The following ABCA8 variants were observed in gnomAD, a reference collection of about 807,000 sequenced individuals.
ABCA8 encodes the protein ATP binding cassette subfamily A member 8.
In ABCA8, 177 loss-of-function variants were observed where a neutral mutation model predicts 192.3. The ratio of observed to expected loss-of-function variants is 0.92; its 90% CI spans 0.81 to 1.04. The LOEUF is 1.04. ABCA8 is among the 50% of genes least tolerant of loss of function. ABCA8 has a pLI of 0.00. For missense variants in ABCA8, 1,915 were observed against 1,904.8 expected (o/e 1.01, Z -0.10); for synonymous variants, 642 against 690.2 (o/e 0.93, Z 1.09).
intron 7 of ABCA8, 162 bp downstream of exon 7, chr17:68,932,126 C>G: frequency 1.9e-6 from 1 of 526,592 alleles, no homozygotes. Flanking sequence ...AGGAGAATGG[C>G]GTGAACCTGT....
chr17:68,913,978 C>A (rs921382869), intron 17 of ABCA8, among the ~76,000 whole-genome samples: 1 of 151,894 alleles, frequency 6.6e-6, no homozygotes, highest in Non-Finnish European at 1.5e-5. Flanking sequence ...TGGATTTATC[C>A]CAGAGATTCA....
intron 32 of ABCA8, chr17:68,878,602 A>G (rs541759701): frequency 6.6e-6 from 1 of 152,342 alleles, no homozygotes; most frequent in Middle Eastern, 3.4e-3. Flanking sequence ...CTGGCTTTCT[A>G]CTTCAGGTCA....
At chr17:68,870,204 T>C (rs1040840585) in intron 37 of ABCA8, among the ~76,000 whole-genome samples, 4 of 152,208 alleles carry the variant, frequency 2.6e-5, no homozygotes, top group African/African-American at 9.6e-5. Context: ...ACTGTAGACA[T>C]GCCTAGGTAG....
chr17:68,909,962 A>G (rs1234458467), intron 17 of ABCA8, among the ~76,000 whole-genome samples: 1 of 152,198 alleles, frequency 6.6e-6, no homozygotes, highest in Non-Finnish European at 1.5e-5. Context: ...TTCAGGTTCA[A>G]TTTCTGATTC....
Position 68,929,585 on chromosome 17 carries a change from G to A in ABCA8, c.915C>T (p.Leu305=). Reference sequence around the variant, plus strand: ...CCAAAGATAATCCATACAGGAGAAAGAGGCTGAAGACTACCATGAAGCCAG... The same window carrying A: ...CCAAAGATAATCCATACAGGAGAAAAAGGCTGAAGACTACCATGAAGCCAG... ...ILSGFMVVFS[L]FLLYGLSLVA... is the part of the protein sequence containing the mutation. Residue 305 remains leucine (L), a synonymous_variant, in exon 8 of 40, where the codon CTC becomes CTT. Coordinates refer to ENST00000586539, the MANE Select transcript of ABCA8 (RefSeq NM_001288985.2). 3.7e-6 allele frequency: 6 copies of A among 1,613,558 alleles called. No homozygotes were observed. The highest frequency in any genetic ancestry group is 1.7e-4 in the Middle Eastern group (1 of 6,052).
intron 2 of ABCA8, among the ~76,000 whole-genome samples, chr17:68,948,800 T>G (rs527749491): frequency 3.3e-5 from 5 of 152,332 alleles, no homozygotes; most frequent in Non-Finnish European, 7.4e-5. Context: ...GGTATTTTAG[T>G]CATGAAGTCT....
chr17:68,903,422 A>G lies in ABCA8; in HGVS notation c.2476T>C (p.Ser826Pro). 3 of 1,614,200 alleles carry G rather than the reference A, an allele frequency of 1.9e-6. No homozygotes were observed. ...GTCTTTCTCATCTTGTTAAGTGAAG[A>G]GAGGACTTGTTCCATCTCAACAAGC... is the stretch of plus-strand genomic sequence containing the variant. The part of the protein sequence containing the change: ...ERLVEMEQVL[S>P]SLNKMRKTIG... The change falls in exon 20 of 40, where the codon TCT (serine) becomes CCT (proline). Residue 826 changes from serine (S) to proline (P), a missense_variant. By Grantham distance (74) the Ser-to-Pro change is moderately conservative (BLOSUM62 -1). Coordinates refer to ENST00000586539, the MANE Select transcript of ABCA8 (RefSeq NM_001288985.2).
intron 6 of ABCA8, 34 bp from the exon 7 acceptor site, chr17:68,932,548 G>A (rs778383899): frequency 3.1e-5 from 44 of 1,426,370 alleles, no homozygotes; most frequent in East Asian, 6.9e-5. Context: ...AAATTTGTAC[G>A]TTAATGAACA....
chr17:68,929,183 C>A lies in ABCA8; in HGVS notation c.991G>T (p.Gly331Cys). The A allele has an allele frequency of 6.2e-7, 1 of 1,608,980 alleles. No individual in the cohort carries two copies. The highest frequency in any genetic ancestry group is 8.5e-7 in the Non-Finnish European group (1 of 1,177,420). Residue 331 changes from glycine to cysteine, a missense_variant, in exon 9 of 40, where the codon GGC (glycine) becomes TGC (cysteine). Physicochemically the swap from Gly to Cys is radical, Grantham distance 159. Coordinates refer to ENST00000586539, the MANE Select transcript of ABCA8 (RefSeq NM_001288985.2). ...ACAGTGAGGAGGAACACGACCAGGC[C>A]GGTGAGGAAAGATTTCTTTACCAAG... The part of the protein sequence containing the change: ...SILVKKSFLT[G>C]LVVFLLTVFW...
chr17:68,934,424 C>T (rs574534849), intron 5 of ABCA8, among the ~76,000 whole-genome samples: 2 of 152,302 alleles, frequency 1.3e-5, no homozygotes, highest in African/African-American at 4.8e-5. Flanking sequence ...TGATTTATCA[C>T]AGTGAACGTG....
At chr17:68,871,643 A>G (rs1331343110) in intron 37 of ABCA8, among the ~76,000 whole-genome samples, 1 of 152,174 alleles carries the variant, frequency 6.6e-6, no homozygotes, top group African/African-American at 2.4e-5. Flanking sequence ...ACACAGTCAT[A>G]GGCCACATAA....
chr17:68,930,393 A>C (rs900156730), intron 7 of ABCA8, among the ~76,000 whole-genome samples: 3 of 152,176 alleles, frequency 2.0e-5, no homozygotes, highest in Non-Finnish European at 4.4e-5. Context: ...TTTGTTAAGA[A>C]AGATTTTTTT....
At chr17:68,892,050 G>A (rs2066633476) in intron 23 of ABCA8, among the ~76,000 whole-genome samples, 1 of 152,244 alleles carries the variant, frequency 6.6e-6, no homozygotes, top group East Asian at 1.9e-4. Context: ...GGTTGAGGAC[G>A]CAAAAGGAGA....
In ABCA8 at chr17:68,907,899, A is replaced by C. The variant is rs1379609039; in HGVS notation, c.2139-20T>G. The C allele has an allele frequency of 6.4e-7, 1 of 1,567,476 alleles. No homozygotes were observed. ...TGCAAGCTGGCATTCAGAAAAAAAA[A>C]AAAAGACATATGTTACTCGACATAG... On this transcript the variant is annotated intron_variant, in intron 17 of 39. Transcript: ENST00000586539.
intron 17 of ABCA8, among the ~76,000 whole-genome samples, chr17:68,908,296 C>A (rs1398882836): frequency 2.0e-5 from 3 of 152,110 alleles, no homozygotes; most frequent in Non-Finnish European, 4.4e-5. Context: ...ATTGTTGTAT[C>A]GCTTCAAAGG....
intron 21 of ABCA8, 119 bp downstream of exon 21, chr17:68,902,594 A>C: frequency 1.2e-6 from 1 of 800,500 alleles, no homozygotes; most frequent in Non-Finnish European, 1.8e-6. Flanking sequence ...TAAGTTTCAT[A>C]AATTGTTTTT....
At chr17:68,953,501 C>T (rs1284253992) in intron 1 of ABCA8, among the ~76,000 whole-genome samples, 2 of 152,072 alleles carry the variant, frequency 1.3e-5, no homozygotes, top group African/African-American at 4.8e-5. Flanking sequence ...GGCACATTAG[C>T]CACAGCAGTC....
chr17:68,952,282 G>T (rs568902179), intron 1 of ABCA8, among the ~76,000 whole-genome samples: 1 of 151,932 alleles, frequency 6.6e-6, no homozygotes, highest in Non-Finnish European at 1.5e-5. Context: ...GCAGTGGTGC[G>T]ATCTCGGCTC....
At chr17:68,892,049 C>T (rs142056224) in intron 23 of ABCA8, among the ~76,000 whole-genome samples, 38 of 152,110 alleles carry the variant, frequency 2.5e-4, no homozygotes, top group East Asian at 2.1e-3. Context: ...TGGTTGAGGA[C>T]GCAAAAGGAG....
Sources: allele counts gnomAD v4.1 joint callset (sites outside exome capture counted in the v4.1 genomes callset), GRCh38; gene constraint gnomAD v4.1.1; transcripts MANE v1.5; gene names NCBI Gene and HGNC (gene_info 2026-07-23, HGNC 2026-07-21).